Variants in PCDH15 observed in about 807,000 individuals in gnomAD.
PCDH15 encodes protocadherin-15.
In PCDH15, 129 loss-of-function variants were observed where a neutral mutation model predicts 178.5. The ratio of observed to expected loss-of-function variants is 0.72; its 90% CI spans 0.63 to 0.84. The LOEUF is 0.84. Among genes scored for constraint, PCDH15 ranks in the 40% least tolerant of loss-of-function variants. The probability of loss-of-function intolerance (pLI) is 0.00; values close to 1 mark genes in which losing one functional copy is unlikely to be tolerated. For missense variants in PCDH15, 2,230 were observed against 2,099.9 expected, an observed-to-expected ratio of 1.06 and a Z score of -1.21; for synonymous variants, 800 against 732.0, an observed-to-expected ratio of 1.09 and a Z score of -1.50.
At chr10:54,152,652 G>C (rs2044652781) in intron 14 of PCDH15, among the ~76,000 whole-genome samples, 1 of 151,856 alleles carries the variant, frequency 6.6e-6, no homozygotes, top group African/African-American at 2.4e-5. Context: ...CTAGAAAGAT[G>C]CAATTGTAAT....
chr10:54,354,016 G>A (rs548474993), intron 5 of PCDH15, among the ~76,000 whole-genome samples: 6 of 151,760 alleles, frequency 4.0e-5, no homozygotes, highest in South Asian at 2.1e-4. Flanking sequence ...GACGAGTTTC[G>A]CTCTTGTTGG....
intron 9 of PCDH15, among the ~76,000 whole-genome samples, chr10:54,232,784 C>A (rs895518829): frequency 1.3e-5 from 2 of 152,006 alleles, no homozygotes; most frequent in Non-Finnish European, 1.5e-5. Context: ...GTCAGTCTAG[C>A]TAGAGGTTTG....
chr10:55,300,401 C>G (rs1211574623), intron 1 of PCDH15, among the ~76,000 whole-genome samples: 1 of 152,104 alleles, frequency 6.6e-6, no homozygotes, highest in Non-Finnish European at 1.5e-5. Context: ...AGAGATACAA[C>G]CTGTAGGCAC....
At chr10:53,896,775 C>T (rs2081981251) in intron 26 of PCDH15, among the ~76,000 whole-genome samples, 2 of 152,116 alleles carry the variant, frequency 1.3e-5, no homozygotes, top group Non-Finnish European at 2.9e-5. Context: ...CTATCGTGAC[C>T]TGCGCATGAA....
At position 54,119,665 on chromosome 10, in the gene PCDH15, AT is replaced by A. The variant is rs534382182; in HGVS notation, c.1917+13209del. Among the ~76,000 whole-genome samples, 896 of 152,338 alleles carry A rather than the reference AT, an allele frequency of 5.9e-3. 4 individuals are homozygous for A. The highest frequency in any genetic ancestry group is 0.01 in the Middle Eastern group (3 of 294). ...CAAGAGAACATCTGTGAGATACTAT[AT>A]AAAATGACTTCACTAGGGCATACAG... On this transcript the variant is annotated intron_variant, in intron 15 of 37. Coordinates refer to ENST00000644397, the MANE Select transcript of PCDH15 (RefSeq NM_001384140.1).
At chr10:54,121,425 A>T (rs561347561) in intron 15 of PCDH15, among the ~76,000 whole-genome samples, 1 of 152,272 alleles carries the variant, frequency 6.6e-6, no homozygotes, top group South Asian at 2.1e-4. Flanking sequence ...TAGAAGGAAA[A>T]TAAGACAACT....
intron 2 of PCDH15, among the ~76,000 whole-genome samples, chr10:54,552,209 A>C (rs76532727): frequency 6.6e-6 from 1 of 151,988 alleles, no homozygotes; most frequent in South Asian, 2.1e-4. Context: ...TCATGAATGT[A>C]CTCTCCTCTG....
chr10:55,520,898 A>G (rs1011557033), intron 2 of PCDH15, among the ~76,000 whole-genome samples: 2 of 151,920 alleles, frequency 1.3e-5, no homozygotes, highest in Admixed American at 1.3e-4. Context: ...GCTAATTAAC[A>G]TATTATCACC....
At chr10:55,192,855 T>C (rs1411048585) in intron 1 of PCDH15, among the ~76,000 whole-genome samples, 2 of 151,574 alleles carry the variant, frequency 1.3e-5, no homozygotes, top group Non-Finnish European at 3.0e-5. Context: ...ATGTATAATG[T>C]ATTTTATGAG....
rs546128117 is a variant in PCDH15 at position 54,041,956 on chromosome 10, C to G, written c.2221-18759G>C. On this transcript the variant is annotated intron_variant, in intron 18 of 37. Coordinates refer to ENST00000644397, the MANE Select transcript of PCDH15 (RefSeq NM_001384140.1). ...AGTACCTCTTGATGTTAGTAACATT[C>G]TTGAGATTATTTGATATTAGTAACA... Among the ~76,000 whole-genome samples the G allele has an allele frequency of 4.6e-5, 7 of 152,040 alleles. No individual in the cohort carries two copies. The East Asian group carries it at 1.4e-3, about 29-fold the overall frequency.
intron 16 of PCDH15, among the ~76,000 whole-genome samples, chr10:54,083,954 G>A (rs542851557): frequency 3.9e-5 from 6 of 152,124 alleles, no homozygotes; most frequent in East Asian, 1.9e-4. Flanking sequence ...GGCCAGGCGC[G>A]GTGGCTCACG....
At chr10:54,622,634 A>ATATATATT (rs2093401932) in intron 2 of PCDH15, among the ~76,000 whole-genome samples, 1 of 41,550 alleles carries the variant, frequency 2.4e-5, no homozygotes, top group African/African-American at 1.0e-4. Context: ...TATAATATAT[A>ATATATATT]TTATATAATT....
Position 55,284,960 on chromosome 10 carries a change from G to A in PCDH15, c.-156+34639C>T, listed in dbSNP as rs115582152. ...GTCAAAGACGGTATAAACAACAAAG[G>A]GATTCTGGTTTTGAAGAAAAAAGTA... On this transcript the variant is annotated intron_variant, in intron 1 of 5. Transcript: ENST00000458638. Among the ~76,000 whole-genome samples the A allele has an allele frequency of 7.5e-3, 1,141 of 151,540 alleles. 15 individuals are homozygous for A. The highest frequency in any genetic ancestry group is 0.026 in the African/African-American group (1,068 of 41,408).
At chr10:54,646,426 A>G (rs959478355) in intron 2 of PCDH15, among the ~76,000 whole-genome samples, 13 of 152,132 alleles carry the variant, frequency 8.5e-5, no homozygotes, top group African/African-American at 3.1e-4. Context: ...CCCAGAACTT[A>G]GCACAAAACT....
intron 2 of PCDH15, among the ~76,000 whole-genome samples, chr10:55,339,390 A>C (rs2131951569): frequency 6.6e-6 from 1 of 152,264 alleles, no homozygotes; most frequent in Non-Finnish European, 1.5e-5. Flanking sequence ...GATATAGGAT[A>C]GTGAATTCTG....
At chr10:55,275,637 A>T (rs1488500167) in intron 1 of PCDH15, among the ~76,000 whole-genome samples, 1 of 150,636 alleles carries the variant, frequency 6.6e-6, no homozygotes, top group South Asian at 2.1e-4. Flanking sequence ...TTATCTATAC[A>T]ATAATTTCAC....
chr10:54,172,366 C>A (rs1301832641), intron 13 of PCDH15, among the ~76,000 whole-genome samples: 1 of 151,974 alleles, frequency 6.6e-6, no homozygotes, highest in Non-Finnish European at 1.5e-5. Flanking sequence ...TTTACCTACC[C>A]AAATCCTATA....
chr10:54,753,281 T>G (rs945523), intron 1 of PCDH15, among the ~76,000 whole-genome samples: 75,739 of 151,442 alleles, frequency 0.5, 19,443 homozygotes, highest in Middle Eastern at 0.67. Context: ...CCTCCCAGGT[T>G]CAAGTGATTC....
intron 8 of PCDH15, among the ~76,000 whole-genome samples, chr10:54,316,116 T>A (rs980523320): frequency 1.3e-5 from 2 of 152,152 alleles, no homozygotes; most frequent in African/African-American, 4.8e-5. Context: ...AACATATTTT[T>A]ATCCAATGCA....
Sources: allele counts gnomAD v4.1 joint callset (sites outside exome capture counted in the v4.1 genomes callset), GRCh38; gene constraint gnomAD v4.1.1; transcripts MANE v1.5; gene names NCBI Gene and HGNC (gene_info 2026-07-23, HGNC 2026-07-21).